Variants in CDK14 observed in about 807,000 individuals in gnomAD.
CDK14 encodes the protein cyclin-dependent kinase 14.
In CDK14, 34 loss-of-function variants were observed where a neutral mutation model predicts 60.7. That is an observed-to-expected ratio of 0.56 (90% CI 0.43 to 0.75). The LOEUF is 0.75. CDK14 is among the 30% of genes least tolerant of loss of function. The pLI is 0.00. For synonymous variants in CDK14, 197 were observed against 203.7 expected (o/e 0.97, Z 0.28); for missense variants, 482 against 564.1 (o/e 0.85, Z 1.47).
At chr7:91,016,342 A>G (rs750832971) in intron 10 of CDK14, among the ~76,000 whole-genome samples, 1 of 151,798 alleles carries the variant, frequency 6.6e-6, no homozygotes, top group African/African-American at 2.4e-5. Flanking sequence ...CCTTTCAGGA[A>G]TCACAGACTG....
chr7:91,021,569 G>A (rs1796435703), intron 10 of CDK14, among the ~76,000 whole-genome samples: 1 of 152,154 alleles, frequency 6.6e-6, no homozygotes, highest in Admixed American at 6.5e-5. Context: ...GAAATCTACT[G>A]ACTAGAGAGA....
chr7:90,739,543 G>A (rs980833381), intron 3 of CDK14, among the ~76,000 whole-genome samples: 13 of 152,020 alleles, frequency 8.6e-5, no homozygotes, highest in African/African-American at 1.9e-4. Flanking sequence ...TGAATATATC[G>A]TTTTTAGAAA....
chr7:90,899,219 G>C (rs1792426746), intron 6 of CDK14, 72 bp from the exon 7 acceptor site: 1 of 1,241,750 alleles, frequency 8.1e-7, no homozygotes, highest in Non-Finnish European at 1.1e-6. Context: ...TGGTGAGTTT[G>C]AAGTAGGAAA....
intron 12 of CDK14, among the ~76,000 whole-genome samples, chr7:91,085,388 T>A (rs933712957): frequency 2.6e-5 from 4 of 152,164 alleles, no homozygotes; most frequent in Admixed American, 6.5e-5. Flanking sequence ...ACCTTCTCCA[T>A]CAAACAAGCT....
intron 4 of CDK14, among the ~76,000 whole-genome samples, chr7:90,783,140 G>A (rs1010062277): frequency 1.3e-5 from 2 of 152,062 alleles, no homozygotes; most frequent in African/African-American, 4.8e-5. Flanking sequence ...TTATGAGTTT[G>A]TATATTTGAT....
chr7:90,787,171 G>T (rs12537446), intron 4 of CDK14, among the ~76,000 whole-genome samples: 4 of 151,984 alleles, frequency 2.6e-5, no homozygotes, highest in African/African-American at 4.8e-5. Flanking sequence ...TTGATAATCA[G>T]TGTAATTCTT....
chr7:90,768,176 T>C (rs1804643105), intron 4 of CDK14, among the ~76,000 whole-genome samples: 1 of 152,252 alleles, frequency 6.6e-6, no homozygotes, highest in South Asian at 2.1e-4. Context: ...AGAACCACTG[T>C]ATTTAAGGTT....
chr7:90,729,127 T>C (rs563328470), intron 3 of CDK14, among the ~76,000 whole-genome samples: 5 of 151,922 alleles, frequency 3.3e-5, no homozygotes, highest in Middle Eastern at 3.4e-3. Context: ...ATTCAACCTC[T>C]TCAGAGAATA....
intron 12 of CDK14, among the ~76,000 whole-genome samples, chr7:91,085,044 C>T (rs1798596790): frequency 6.6e-6 from 1 of 152,286 alleles, no homozygotes; most frequent in South Asian, 2.1e-4. Flanking sequence ...CTCTGTTCTC[C>T]CAAATATGCC....
Position 90,747,789 on chromosome 7 carries a change from T to G in CDK14, c.464+14T>G. The stretch of plus-strand genomic sequence containing the variant: ...AGGGAAAAGCAAGTAAGTTCATTAT[T>G]TTTGGAATATTTCACATGTACAGTG... On this transcript the variant is annotated intron_variant, in intron 4 of 14. Coordinates refer to ENST00000380050, the MANE Select transcript of CDK14 (RefSeq NM_001287135.2). 7.0e-7 allele frequency: 1 copy of G among 1,438,600 alleles called. No individual in the cohort carries two copies. The highest frequency in any genetic ancestry group is 9.4e-7 in the Non-Finnish European group (1 of 1,058,402). 89.1% of individuals were successfully genotyped at this position (1,438,600 alleles called of 1,614,324 possible).
chr7:90,789,459 A>G (rs114279883), intron 4 of CDK14, among the ~76,000 whole-genome samples: 3,323 of 152,234 alleles, frequency 0.022, 52 homozygotes, highest in African/African-American at 0.03. Context: ...TTCTGCATCT[A>G]GATTCAACCA....
intron 8 of CDK14, among the ~76,000 whole-genome samples, chr7:90,947,988 T>C (rs933584179): frequency 2.6e-5 from 4 of 152,198 alleles, no homozygotes; most frequent in African/African-American, 9.6e-5. Flanking sequence ...ATTTTCTCTT[T>C]AACACATATA....
intron 12 of CDK14, among the ~76,000 whole-genome samples, chr7:91,102,137 C>T (rs773019162): frequency 3.3e-5 from 5 of 152,142 alleles, no homozygotes; most frequent in African/African-American, 9.7e-5. Flanking sequence ...GTATCCTTGC[C>T]ACAGAGATGT....
At chr7:91,079,616 T>C in intron 12 of CDK14, 136 bp downstream of exon 12, 1 of 717,582 alleles carries the variant, frequency 1.4e-6, no homozygotes, top group Non-Finnish European at 2.5e-6. Context: ...TAAACTGCTG[T>C]TAAACCTTAA....
intron 2 of CDK14, among the ~76,000 whole-genome samples, chr7:90,644,950 G>A (rs1584764828): frequency 6.6e-6 from 1 of 152,250 alleles, no homozygotes; most frequent in East Asian, 1.9e-4. Context: ...AAAACCTTAA[G>A]GTAGATGGTT....
chr7:90,752,287 T>TA (rs34988910), intron 4 of CDK14, among the ~76,000 whole-genome samples: 70,041 of 149,272 alleles, frequency 0.47, 16,744 homozygotes, highest in Middle Eastern at 0.53. Context: ...CTCAGTAAAT[T>TA]AAAAAAAAAA....
chr7:90,601,605 G>T (rs1481389858), intron 1 of CDK14, among the ~76,000 whole-genome samples: 1 of 152,130 alleles, frequency 6.6e-6, no homozygotes, highest in African/African-American at 2.4e-5. Context: ...CCACCTCTTT[G>T]TCCAGAATGT....
At chr7:90,658,207 T>G (rs1800790026) in intron 2 of CDK14, among the ~76,000 whole-genome samples, 1 of 152,144 alleles carries the variant, frequency 6.6e-6, no homozygotes, top group South Asian at 2.1e-4. Context: ...CTTAGTCTAT[T>G]TGGGCTAGTG....
At chr7:91,027,907 C>G (rs1484311961) in intron 10 of CDK14, among the ~76,000 whole-genome samples, 1 of 18,292 alleles carries the variant, frequency 5.5e-5, no homozygotes, top group African/African-American at 2.7e-4. Flanking sequence ...TCTCCCCTCC[C>G]CTGCCCTCCC....
Sources: gnomAD v4.1 joint callset for allele counts (sites outside exome capture counted in the v4.1 genomes callset) on GRCh38, gnomAD v4.1.1 for gene constraint, MANE v1.5 for transcripts, NCBI Gene and HGNC (gene_info 2026-07-23, HGNC 2026-07-21) for gene names.